SRRM2: variants seen among roughly 807,000 people sequenced by gnomAD.
The protein encoded by SRRM2 is serine/arginine repetitive matrix protein 2.
Under a neutral mutation model 213.8 loss-of-function variants are expected in SRRM2, and 30 were observed. The observed-to-expected ratio is 0.14, with a 90% CI of 0.10 to 0.19. The LOEUF is 0.19. Ranked by LOEUF, SRRM2 falls within the 10% of genes least tolerant of loss-of-function variation. The pLI is 1.00. For missense variants in SRRM2, 4,904 were observed against 3,647.0 expected (o/e 1.34, Z -8.88); for synonymous variants, 2,025 against 1,377.7 (o/e 1.47, Z -10.40).
intron 1 of SRRM2, among the ~76,000 whole-genome samples, chr16:2,755,099 T>C (rs1430954569): frequency 6.6e-6 from 1 of 152,244 alleles, no homozygotes; most frequent in African/African-American, 2.4e-5. Flanking sequence ...TATTTTCTCA[T>C]ATATGCATGT....
rs774881050 is a variant in SRRM2, at chr16:2,762,462, G to A, written c.1934G>A (p.Gly645Asp). The A allele has an allele frequency of 4.8e-5, 77 of 1,613,942 alleles. No individual in the cohort carries two copies. The highest frequency in any genetic ancestry group is 6.4e-5 in the Non-Finnish European group (76 of 1,180,010). The change falls in exon 11 of 15, where the codon GGC becomes GAC. Residue 645 changes from glycine to aspartate, a missense_variant. Gly to Asp is a moderately conservative substitution (Grantham distance 94, BLOSUM62 -1). Transcript: ENST00000301740. ...SRSRSPARRS[G>D]RSRSRTPARR... ...AGTAGATCACCAGCCAGGAGAAGTG[G>A]CAGGTCACGCTCTAGAACCCCAGCT...
Position 2,768,060 on chromosome 16 carries a change from C to T in SRRM2, c.7532C>T (p.Ala2511Val). Residue 2511 changes from alanine (A) to valine (V), a missense_variant, in exon 11 of 15, where the codon GCC (alanine) becomes GTC (valine). Ala to Val is a moderately conservative substitution (Grantham distance 64). Transcript: ENST00000301740. ...CACTCTGATGTGGGGGAGCCACCTGCCTCTACTGGGGCCCAGCAGCCTTCT... is the reference window on the plus strand; with the variant it reads ...CACTCTGATGTGGGGGAGCCACCTGTCTCTACTGGGGCCCAGCAGCCTTCT... ...VPHSDVGEPPASTGAQQPSAL... is the reference protein window; with the variant it reads ...VPHSDVGEPPVSTGAQQPSAL... The T allele has an allele frequency of 6.2e-7, 1 of 1,614,178 alleles. No individual in the cohort carries two copies. Among genetic ancestry groups the T allele is most frequent in the Non-Finnish European group, 8.5e-7 (1 of 1,179,994 alleles).
In SRRM2 at chr16:2,766,560, C is replaced by T. The variant is rs1179805079; in HGVS notation, c.6032C>T (p.Ser2011Leu). 2 of 1,614,058 alleles carry T rather than the reference C, an allele frequency of 1.2e-6. No homozygotes were observed. The highest frequency in any genetic ancestry group is 1.7e-6 in the Non-Finnish European group (2 of 1,180,040). Reference sequence around the variant, plus strand: ...CGAAGAAGGTCCCGCTCTCGAACCTCACCAGTGACACGCCGCCGCTCTAGG... The same window carrying T: ...CGAAGAAGGTCCCGCTCTCGAACCTTACCAGTGACACGCCGCCGCTCTAGG... ...VTRRRSRSRT[S>L]PVTRRRSRSR... The change falls in exon 11 of 15, where the codon TCA becomes TTA. Residue 2011 changes from serine to leucine, a missense_variant. Transcript: ENST00000301740. The surrounding 1 kb of genome is among the most constrained non-coding windows in gnomAD (Gnocchi z 7.0).
chr16:2,758,367 A>AT, intron 4 of SRRM2, 103 bp from the exon 5 acceptor site: 10 of 1,118,076 alleles, frequency 8.9e-6, no homozygotes, highest in Non-Finnish European at 1.2e-5. Context: ...CGAGACTCTT[A>AT]TTTTTTTATT....
In SRRM2 at chr16:2,771,289, G is replaced by C. The variant is rs1484509832; in HGVS notation, c.*422G>C. On this transcript the variant is annotated 3_prime_UTR_variant, in exon 15 of 15. Coordinates refer to ENST00000301740, the MANE Select transcript of SRRM2 (RefSeq NM_016333.4). ...GAGTTGGAATTAGTTGGTCCCTACT[G>C]TCCCCCATGAGGTTGTGAACCCCTC... 2 of 927,552 alleles carry C rather than the reference G, an allele frequency of 2.2e-6. No homozygotes were observed. The highest frequency in any genetic ancestry group is 3.2e-5 in the African/African-American group (2 of 61,656). 57.5% of individuals were successfully genotyped at this position (927,552 alleles called of 1,614,324 possible).
chr16:2,760,999 C>T (rs1320670145), intron 10 of SRRM2, among the ~76,000 whole-genome samples: 3 of 152,256 alleles, frequency 2.0e-5, no homozygotes, highest in Non-Finnish European at 4.4e-5. Context: ...TTTTCCATGT[C>T]ATCCAGGGTT....
rs762950713 is a variant in SRRM2 at position 2,765,640 on chromosome 16, C to A, written c.5112C>A (p.Ser1704=). The A allele has an allele frequency of 6.2e-7, 1 of 1,614,162 alleles. No homozygotes were observed. The highest frequency in any genetic ancestry group is 1.1e-5 in the South Asian group (1 of 91,082). Residue 1704 remains serine (S), a synonymous_variant, in exon 11 of 15, where the codon TCC becomes TCA. Transcript: ENST00000301740. ...SPELTRKARL[S]RRSRSASSSP... is the part of the protein sequence containing the mutation. ...AGCTAACAAGGAAGGCCAGACTGTCCCGTAGAAGCCGCTCTGCCTCATCCT... is the reference window on the plus strand; with the variant it reads ...AGCTAACAAGGAAGGCCAGACTGTCACGTAGAAGCCGCTCTGCCTCATCCT...
chr16:2,758,608 C>G, intron 5 of SRRM2, 61 bp downstream of exon 5: 3 of 1,512,740 alleles, frequency 2.0e-6, no homozygotes, highest in Middle Eastern at 3.4e-4. Context: ...GTACCTTTCT[C>G]TCTGGAAGTG....
At position 2,756,539 on chromosome 16, in the gene SRRM2, G is replaced by T; in HGVS notation, c.175G>T (p.Asp59Tyr). Residue 59 changes from aspartate (D) to tyrosine (Y), a missense_variant, in exon 2 of 15, where the codon GAC (aspartate) becomes TAC (tyrosine). Transcript: ENST00000301740. Reference sequence around the variant, plus strand: ...GAAGCGGCCTAATCCTGACATCCTGGACCACGAGCGCAAGCGGCGCGTCGA... The same window carrying T: ...GAAGCGGCCTAATCCTGACATCCTGTACCACGAGCGCAAGCGGCGCGTCGA... ...LVKRPNPDIL[D>Y]HERKRRVELR... 6.2e-7 allele frequency: 1 copy of T among 1,614,098 alleles called. No individual in the cohort carries two copies. Among genetic ancestry groups the T allele is most frequent in the Non-Finnish European group, 8.5e-7 (1 of 1,179,992 alleles).
Position 2,770,678 on chromosome 16 carries a change from A to G in SRRM2, c.8210A>G (p.Glu2737Gly). 1 of 1,556,016 alleles carries G rather than the reference A, an allele frequency of 6.4e-7. No individual in the cohort carries two copies. The change falls in exon 14 of 15, where the codon GAG becomes GGG. Residue 2737 changes from glutamate (E) to glycine (G), a missense_variant. Glu to Gly is a moderately conservative substitution (Grantham distance 98). Transcript: ENST00000301740. The part of the protein sequence containing the change: ...SRSPSHKRRR[E>G]TPSPRPMRHR... ...TCCCCCAGCCACAAGCGCAGGAGGG[A>G]GACACCTAGCCCTCGGCCCATGAGA...
intron 5 of SRRM2, 154 bp from the exon 6 acceptor site, chr16:2,758,831 G>T: frequency 1.2e-6 from 1 of 815,204 alleles, no homozygotes; most frequent in Non-Finnish European, 1.9e-6. Context: ...GTGCTTGTTG[G>T]AGAAAGAAGA....
intron 2 of SRRM2, among the ~76,000 whole-genome samples, chr16:2,756,932 G>A (rs2068162348): frequency 6.6e-6 from 1 of 152,152 alleles, no homozygotes; most frequent in Non-Finnish European, 1.5e-5. Context: ...TAGGTAAGCT[G>A]ATAGGTGTTG....
Position 2,771,131 on chromosome 16 carries a change from A to G in SRRM2, c.*264A>G. The G allele has an allele frequency of 1.6e-6, 1 of 618,410 alleles. No homozygotes were observed. Among genetic ancestry groups the G allele is most frequent in the Non-Finnish European group, 2.8e-6 (1 of 354,454 alleles). The allele number at this position is 618,410 out of a possible 1,614,324, so 38.3% of individuals were successfully genotyped here. Reference sequence around the variant, plus strand: ...TGGGAGTTGGGGGAGGGGAGGATACAGTTCAGGATACCCCAGCCTGGAGTC... The same window carrying G: ...TGGGAGTTGGGGGAGGGGAGGATACGGTTCAGGATACCCCAGCCTGGAGTC... On this transcript the variant is annotated 3_prime_UTR_variant, in exon 15 of 15. Coordinates refer to ENST00000301740, the MANE Select transcript of SRRM2 (RefSeq NM_016333.4).
chr16:2,757,341 CT>C, intron 2 of SRRM2, 130 bp from the exon 3 acceptor site: 2 of 682,790 alleles, frequency 2.9e-6, no homozygotes, highest in Middle Eastern at 3.0e-4. Context: ...ACAGAAGGGA[CT>C]TTTGGGTGAG....
rs780535104 is a variant in SRRM2, at chr16:2,765,744, C to T, written c.5216C>T (p.Ser1739Leu). 1.9e-5 allele frequency: 31 copies of T among 1,613,998 alleles called. No homozygotes were observed. The highest frequency in any genetic ancestry group is 5.0e-5 in the Admixed American group (3 of 60,012). Reference protein sequence around the residue: ...SVSSPEPAEKSRSSRRRRSAS... With the variant: ...SVSSPEPAEKLRSSRRRRSAS... ...TCTTCCCCGGAGCCAGCCGAAAAATCGAGGTCTTCACGCCGACGGCGCTCA... is the reference window on the plus strand; with the variant it reads ...TCTTCCCCGGAGCCAGCCGAAAAATTGAGGTCTTCACGCCGACGGCGCTCA... Residue 1739 changes from serine (S) to leucine (L), a missense_variant, in exon 11 of 15, where the codon TCG becomes TTG. Physicochemically the swap from Ser to Leu is moderately radical, Grantham distance 145 (BLOSUM62 -2). Transcript: ENST00000301740.
In SRRM2 at chr16:2,764,944, G is replaced by A. The variant is rs1291156415; in HGVS notation, c.4416G>A (p.Thr1472=). The A allele has an allele frequency of 1.2e-5, 19 of 1,613,968 alleles. No individual in the cohort carries two copies. The highest frequency in any genetic ancestry group is 1.5e-5 in the Non-Finnish European group (18 of 1,180,018). ...SSPGMKDIPR[T]PSRGRSECDS... ...CTGGAATGAAAGATATACCTAGAAC[G>A]CCATCTAGAGGGAGAAGCGAATGTG... Residue 1472 remains threonine, a synonymous_variant, in exon 11 of 15, where the codon ACG becomes ACA. Transcript: ENST00000301740.
At position 2,765,871 on chromosome 16, in the gene SRRM2, A is replaced by G. The variant is rs781225347; in HGVS notation, c.5343A>G (p.Lys1781=). The change falls in exon 11 of 15, where the codon AAA becomes AAG. Residue 1781 remains lysine (K), a synonymous_variant. Coordinates refer to ENST00000301740, the MANE Select transcript of SRRM2 (RefSeq NM_016333.4). The stretch of plus-strand genomic sequence containing the variant: ...CCCGTTCCCGCTCAAGGAGAGAGAA[A>G]ACAAGAACAACCCGACGTCGAGATA... ...QRSRSRSRRE[K]TRTTRRRDRS... 2.5e-6 allele frequency: 4 copies of G among 1,614,070 alleles called. No homozygotes were observed. Among genetic ancestry groups the G allele is most frequent in the Non-Finnish European group, 1.7e-6 (2 of 1,179,994 alleles).
Position 2,762,101 on chromosome 16 carries a change from T to C in SRRM2, c.1573T>C (p.Ser525Pro). 6.2e-7 allele frequency: 1 copy of C among 1,614,082 alleles called. No individual in the cohort carries two copies. Among genetic ancestry groups the C allele is most frequent in the Non-Finnish European group, 8.5e-7 (1 of 1,180,018 alleles). ...CAGGTCTGCACAGAGGTGGGGAAGATCTAGAAGCCCCCAGCGACGTGGCCG... is the reference window on the plus strand; with the variant it reads ...CAGGTCTGCACAGAGGTGGGGAAGACCTAGAAGCCCCCAGCGACGTGGCCG... ...RSRSAQRWGRSRSPQRRGRSR... is the reference protein window; with the variant it reads ...RSRSAQRWGRPRSPQRRGRSR... Residue 525 changes from serine to proline, a missense_variant, in exon 11 of 15, where the codon TCT becomes CCT. Transcript: ENST00000301740.
At position 2,769,175 on chromosome 16, in the gene SRRM2, T is replaced by C; in HGVS notation, c.7912T>C (p.Ser2638Pro). The C allele has an allele frequency of 6.2e-7, 1 of 1,611,842 alleles. No homozygotes were observed. Among genetic ancestry groups the C allele is most frequent in the Non-Finnish European group, 8.5e-7 (1 of 1,178,718 alleles). Residue 2638 changes from serine to proline, a missense_variant, in exon 12 of 15, where the codon TCC becomes CCC. Physicochemically the swap from Ser to Pro is moderately conservative, Grantham distance 74 (BLOSUM62 -1). Coordinates refer to ENST00000301740, the MANE Select transcript of SRRM2 (RefSeq NM_016333.4). The part of the protein sequence containing the change: ...SSSSSSSSSS[S>P]SSSSSSSSSS... ...CTCCTCTTCCTCTTCTTCTTCTTCC[T>C]CCTCATCTTCCTCCTCCTCGTCGTC...
Sources: allele counts gnomAD v4.1 joint callset (sites outside exome capture counted in the v4.1 genomes callset), GRCh38; gene constraint gnomAD v4.1.1; non-coding constraint Gnocchi (gnomAD v3.1); transcripts MANE v1.5; gene names NCBI Gene and HGNC (gene_info 2026-07-23, HGNC 2026-07-21).